Variants in THRB observed in about 807,000 individuals in gnomAD.
The protein encoded by THRB is nuclear receptor subfamily 1 group A member 2.
A neutral mutation model predicts 47.8 loss-of-function variants in THRB; 12 were observed. The ratio of observed to expected loss-of-function variants is 0.25; its 90% CI spans 0.16 to 0.41. The LOEUF (loss-of-function observed/expected upper bound fraction) is 0.41. Ranked by LOEUF, THRB falls within the 10% of genes least tolerant of loss-of-function variation. The pLI is 1.00. For missense variants in THRB, 348 were observed against 589.2 expected, an observed-to-expected ratio of 0.59 and a Z score of 4.24; for synonymous variants, 218 against 212.2, an observed-to-expected ratio of 1.03 and a Z score of -0.24.
chr3:24,355,123 A>C (rs551361169), intron 1 of THRB, among the ~76,000 whole-genome samples: 1 of 152,256 alleles, frequency 6.6e-6, no homozygotes, highest in South Asian at 2.1e-4. Context: ...CATCCTCAAT[A>C]ATGGAGTAAA....
At chr3:24,195,470 T>C (rs1216071844) in intron 4 of THRB, among the ~76,000 whole-genome samples, 1 of 152,268 alleles carries the variant, frequency 6.6e-6, no homozygotes, top group Non-Finnish European at 1.5e-5. Context: ...TTAATTTTCC[T>C]GTTACTCATT....
At chr3:24,436,696 G>A (rs2070991699) in intron 1 of THRB, among the ~76,000 whole-genome samples, 1 of 152,120 alleles carries the variant, frequency 6.6e-6, no homozygotes. Context: ...TATGCATAGA[G>A]CACACGTTAT....
At chr3:24,362,152 G>A (rs1181180938) in intron 1 of THRB, among the ~76,000 whole-genome samples, 2 of 152,036 alleles carry the variant, frequency 1.3e-5, no homozygotes, top group Non-Finnish European at 2.9e-5. Flanking sequence ...GTCAGATCTT[G>A]CTTTCACCTC....
At chr3:24,478,181 T>C (rs1436301342) in intron 1 of THRB, among the ~76,000 whole-genome samples, 1 of 152,174 alleles carries the variant, frequency 6.6e-6, no homozygotes, top group Non-Finnish European at 1.5e-5. Context: ...TCTGGTACAA[T>C]ACTGGGTTTT....
At chr3:24,293,485 T>C (rs941253220) in intron 3 of THRB, among the ~76,000 whole-genome samples, 14 of 152,162 alleles carry the variant, frequency 9.2e-5, no homozygotes, top group Admixed American at 9.2e-4. Context: ...AAGAAGACAA[T>C]ATTGCAAAAT....
At chr3:24,265,956 C>A (rs568246041) in intron 3 of THRB, among the ~76,000 whole-genome samples, 8 of 152,206 alleles carry the variant, frequency 5.3e-5, no homozygotes, top group African/African-American at 1.9e-4. Flanking sequence ...GAATGAATGT[C>A]TGTATTTTCT....
intron 4 of THRB, among the ~76,000 whole-genome samples, chr3:24,218,042 G>A (rs971862830): frequency 2.0e-5 from 3 of 152,074 alleles, no homozygotes; most frequent in Non-Finnish European, 4.4e-5. Context: ...TGAGGCAGGT[G>A]GATCACGAGG....
At chr3:24,377,594 T>G (rs2065388132) in intron 1 of THRB, among the ~76,000 whole-genome samples, 1 of 152,114 alleles carries the variant, frequency 6.6e-6, no homozygotes, top group Non-Finnish European at 1.5e-5. Flanking sequence ...TTCAGAAGTG[T>G]TTTAGTTCTG....
intron 1 of THRB, among the ~76,000 whole-genome samples, chr3:24,403,620 A>C (rs185854988): frequency 3.3e-5 from 5 of 152,012 alleles, no homozygotes; most frequent in Admixed American, 2.0e-4. Flanking sequence ...CGTAGTCATT[A>C]TATGTCTCGC....
At chr3:24,259,320 A>C (rs1257160988) in intron 3 of THRB, among the ~76,000 whole-genome samples, 1 of 152,214 alleles carries the variant, frequency 6.6e-6, no homozygotes, top group Non-Finnish European at 1.5e-5. Flanking sequence ...ACACATTTCA[A>C]CTACGGCATG....
chr3:24,364,344 C>T (rs573947170), intron 1 of THRB, among the ~76,000 whole-genome samples: 39 of 152,218 alleles, frequency 2.6e-4, no homozygotes, highest in African/African-American at 9.4e-4. Flanking sequence ...TGAAGTCATG[C>T]AGTGGTTGAA....
At chr3:24,159,039 G>GTTTTTGC (rs1379423497) in intron 5 of THRB, among the ~76,000 whole-genome samples, 2 of 152,196 alleles carry the variant, frequency 1.3e-5, no homozygotes, top group Non-Finnish European at 2.9e-5. Context: ...TGATTTTGCT[G>GTTTTTGC]TGAGAAGCAA....
At chr3:24,212,742 C>A (rs559572978) in intron 4 of THRB, among the ~76,000 whole-genome samples, 1 of 152,198 alleles carries the variant, frequency 6.6e-6, no homozygotes, top group South Asian at 2.1e-4. Flanking sequence ...CCAGATAGTA[C>A]AGGGAGTGCT....
intron 9 of THRB, among the ~76,000 whole-genome samples, chr3:24,128,862 T>C (rs1203471409): frequency 1.9e-5 from 2 of 106,226 alleles, no homozygotes; most frequent in Non-Finnish European, 3.6e-5. Flanking sequence ...GAAACATAAC[T>C]CTTTTTTTTT....
intron 1 of THRB, among the ~76,000 whole-genome samples, chr3:24,395,656 T>A (rs2066901933): frequency 6.6e-6 from 1 of 152,226 alleles, no homozygotes; most frequent in East Asian, 1.9e-4. Flanking sequence ...CCTTATATGC[T>A]GGTGAAGGGA....
At chr3:24,238,806 A>G (rs1409614784) in intron 3 of THRB, among the ~76,000 whole-genome samples, 1 of 152,170 alleles carries the variant, frequency 6.6e-6, no homozygotes. Flanking sequence ...TGAAGATGAA[A>G]ATAAAATTAT....
At position 24,326,756 on chromosome 3, in the gene THRB, C is replaced by CTTTTTTTTT. The variant is rs1174687260; in HGVS notation, c.-189+10535_-189+10543dup. 1.9e-3 allele frequency among the ~76,000 whole-genome samples: 95 copies of CTTTTTTTTT among 49,998 alleles called. 26 individuals are homozygous for CTTTTTTTTT. The highest frequency in any genetic ancestry group is 6.2e-3 in the African/African-American group (60 of 9,642). 32.8% of individuals were successfully genotyped at this position (49,998 alleles called of 152,430 possible). On this transcript the variant is annotated intron_variant, in intron 2 of 10. Transcript: ENST00000646209. ...TTCACTAGAAGCTGTCCAGTCTTGT[C>CTTTTTTTTT]TTTTTTTTTTTTTTTTTTTTTTTTT... is the stretch of plus-strand genomic sequence containing the variant.
intron 1 of THRB, among the ~76,000 whole-genome samples, chr3:24,375,328 TATA>T (rs2149788582): frequency 6.8e-6 from 1 of 147,114 alleles, no homozygotes; most frequent in African/African-American, 2.5e-5. Flanking sequence ...TATTTAGACA[TATA>T]TTATTATATT....
chr3:24,140,805 A>G (rs4858103), intron 8 of THRB, among the ~76,000 whole-genome samples: 55,129 of 152,136 alleles, frequency 0.36, 11,031 homozygotes, highest in African/African-American at 0.54. Context: ...GTGTATACAG[A>G]GATGAGAAAT....
Sources: gnomAD v4.1 joint callset for allele counts (sites outside exome capture counted in the v4.1 genomes callset) on GRCh38, gnomAD v4.1.1 for gene constraint, MANE v1.5 for transcripts, NCBI Gene and HGNC (gene_info 2026-07-23, HGNC 2026-07-21) for gene names.